Variants in SLC4A4 observed in about 807,000 individuals in gnomAD.
SLC4A4 encodes the protein solute carrier family 4 member 4, also known as electrogenic sodium bicarbonate cotransporter 1.
SLC4A4 carries 27 observed loss-of-function variants against 111.5 expected under a neutral mutation model. The ratio of observed to expected loss-of-function variants is 0.24; its 90% CI spans 0.18 to 0.33. The LOEUF (loss-of-function observed/expected upper bound fraction) is 0.33. Ranked by LOEUF, SLC4A4 falls within the 10% of genes least tolerant of loss-of-function variation. The pLI is 1.00. For missense variants in SLC4A4, 909 were observed against 1,315.5 expected, an observed-to-expected ratio of 0.69 and a Z score of 4.78; for synonymous variants, 443 against 463.4, an observed-to-expected ratio of 0.96 and a Z score of 0.57.
chr4:71,124,951 C>T (rs1578503223), intron 2 of SLC4A4, among the ~76,000 whole-genome samples: 1 of 152,164 alleles, frequency 6.6e-6, no homozygotes, highest in East Asian at 1.9e-4. Context: ...GATATTGATA[C>T]AGGAACTATC....
intron 2 of SLC4A4, among the ~76,000 whole-genome samples, chr4:71,177,489 C>T (rs1745132136): frequency 6.6e-6 from 1 of 151,940 alleles, no homozygotes; most frequent in Non-Finnish European, 1.5e-5. Context: ...GGAAGATCTA[C>T]CAAGCAAATG....
chr4:71,446,419 T>C (rs919322561), intron 8 of SLC4A4, among the ~76,000 whole-genome samples: 2 of 152,216 alleles, frequency 1.3e-5, no homozygotes, highest in African/African-American at 2.4e-5. Flanking sequence ...GGAAGACTTA[T>C]GGAAGTCATT....
intron 7 of SLC4A4, among the ~76,000 whole-genome samples, chr4:71,428,879 C>G (rs4353874): frequency 0.2 from 30,030 of 151,850 alleles, 3,298 homozygotes; most frequent in South Asian, 0.42. Context: ...AAAGTATACT[C>G]AAGTTTAGAT....
At chr4:71,506,689 G>A (rs1415225629) in intron 16 of SLC4A4, among the ~76,000 whole-genome samples, 1 of 152,082 alleles carries the variant, frequency 6.6e-6, no homozygotes, top group Admixed American at 6.6e-5. Flanking sequence ...TCATCCAGGA[G>A]AACTTCCCCA....
intron 2 of SLC4A4, among the ~76,000 whole-genome samples, chr4:71,148,907 A>C (rs1744248640): frequency 6.6e-6 from 1 of 152,130 alleles, no homozygotes; most frequent in African/African-American, 2.4e-5. Flanking sequence ...ATATATACCT[A>C]GTAAGGGGAT....
At chr4:71,250,124 T>C (rs1187668213) in intron 2 of SLC4A4, among the ~76,000 whole-genome samples, 1 of 137,320 alleles carries the variant, frequency 7.3e-6, no homozygotes, top group African/African-American at 2.5e-5. Context: ...CCGCCTCTTC[T>C]ACATTTTTCT....
rs376012423 is a variant in SLC4A4 at position 71,555,470 on chromosome 4, A to C, written c.2763+262A>C. ...TTAACCAAGAAAGCAAGAGGCTATAATCTTTCTTTTCCTTCCCCTTACCCA... is the reference window on the plus strand; with the variant it reads ...TTAACCAAGAAAGCAAGAGGCTATACTCTTTCTTTTCCTTCCCCTTACCCA... On this transcript the variant is annotated intron_variant, in intron 21 of 25. Coordinates refer to ENST00000264485, the MANE Select transcript of SLC4A4 (RefSeq NM_001098484.3). 9.9e-5 allele frequency among the ~76,000 whole-genome samples: 15 copies of C among 152,000 alleles called. No homozygotes were observed. In the East Asian group the frequency reaches 2.5e-3, roughly 26 times the overall value.
chr4:71,189,698 G>A (rs528285372), intron 1 of SLC4A4, among the ~76,000 whole-genome samples: 1 of 152,320 alleles, frequency 6.6e-6, no homozygotes, highest in East Asian at 1.9e-4. Context: ...CTCTGTGAGC[G>A]CTGTAGACCT....
At chr4:71,201,021 T>C (rs1746224383) in intron 1 of SLC4A4, among the ~76,000 whole-genome samples, 1 of 152,216 alleles carries the variant, frequency 6.6e-6, no homozygotes, top group Non-Finnish European at 1.5e-5. Flanking sequence ...CCTGTGCGAG[T>C]TAAGAGCATG....
intron 14 of SLC4A4, chr4:71,473,351 A>C: frequency 2.0e-6 from 1 of 496,270 alleles, no homozygotes; most frequent in Non-Finnish European, 3.6e-6. Flanking sequence ...TGGTGTAGGA[A>C]TGTCTTCCTT....
chr4:71,103,403 G>T (rs1742817902), intron 2 of SLC4A4, among the ~76,000 whole-genome samples: 1 of 152,112 alleles, frequency 6.6e-6, no homozygotes, highest in Admixed American at 6.6e-5. Flanking sequence ...ATTGAACTCA[G>T]CTCTGCACCA....
intron 2 of SLC4A4, among the ~76,000 whole-genome samples, chr4:71,146,950 G>A (rs1744189876): frequency 6.6e-6 from 1 of 152,234 alleles, no homozygotes; most frequent in Non-Finnish European, 1.5e-5. Flanking sequence ...TGGCAAATTG[G>A]ATAAAGAGTC....
At chr4:71,396,911 A>T (rs1719866196) in intron 6 of SLC4A4, among the ~76,000 whole-genome samples, 1 of 152,170 alleles carries the variant, frequency 6.6e-6, no homozygotes, top group Non-Finnish European at 1.5e-5. Context: ...GTTAAGGGGG[A>T]AAAGAGGATA....
chr4:71,471,300 C>T (rs1266522330), intron 13 of SLC4A4, among the ~76,000 whole-genome samples: 1 of 151,902 alleles, frequency 6.6e-6, no homozygotes, highest in Non-Finnish European at 1.5e-5. Flanking sequence ...CAATGGGAAG[C>T]TATTGAAAGA....
At chr4:71,148,133 A>G (rs143656126) in intron 2 of SLC4A4, among the ~76,000 whole-genome samples, 1 of 152,200 alleles carries the variant, frequency 6.6e-6, no homozygotes, top group Non-Finnish European at 1.5e-5. Context: ...CTTATGTTCC[A>G]TCTTTCTTCT....
At chr4:71,341,589 A>G (rs535633416) in intron 4 of SLC4A4, among the ~76,000 whole-genome samples, 5 of 152,250 alleles carry the variant, frequency 3.3e-5, no homozygotes, top group African/African-American at 1.2e-4. Flanking sequence ...CATACTTTAA[A>G]ATTTCTTACA....
At chr4:71,552,891 A>G (rs1317463464) in intron 20 of SLC4A4, among the ~76,000 whole-genome samples, 1 of 151,842 alleles carries the variant, frequency 6.6e-6, no homozygotes, top group Non-Finnish European at 1.5e-5. Flanking sequence ...ATGGAGTTCC[A>G]TCTTCTTAAA....
At chr4:71,140,566 T>C (rs1415642184) in intron 2 of SLC4A4, among the ~76,000 whole-genome samples, 1 of 152,186 alleles carries the variant, frequency 6.6e-6, no homozygotes, top group Non-Finnish European at 1.5e-5. Flanking sequence ...ACACATTATT[T>C]TGATTTTTCC....
At chr4:71,110,804 T>C (rs1402314815) in intron 2 of SLC4A4, among the ~76,000 whole-genome samples, 1 of 152,166 alleles carries the variant, frequency 6.6e-6, no homozygotes, top group East Asian at 1.9e-4. Flanking sequence ...AATGGGCTCT[T>C]CAGTTTGAAG....
Sources: gnomAD v4.1 joint callset for allele counts (sites outside exome capture counted in the v4.1 genomes callset) on GRCh38, gnomAD v4.1.1 for gene constraint, MANE v1.5 for transcripts, NCBI Gene and HGNC (gene_info 2026-07-23, HGNC 2026-07-21) for gene names.